Variants in MAGI2 observed in about 807,000 individuals in gnomAD.
MAGI2 encodes membrane associated guanylate kinase, WW and PDZ domain containing 2.
A neutral mutation model predicts 133.3 loss-of-function variants in MAGI2; 35 were observed. The observed-to-expected ratio is 0.26, with a 90% CI of 0.20 to 0.35. The LOEUF (loss-of-function observed/expected upper bound fraction) is 0.35, where lower values mean the gene tolerates loss of function less well. Among genes scored for constraint, MAGI2 ranks in the 10% least tolerant of loss-of-function variants. The pLI is 1.00. For missense variants in MAGI2, 1,636 were observed against 1,863.4 expected (o/e 0.88, Z 2.25); for synonymous variants, 729 against 710.6 (o/e 1.03, Z -0.41).
chr7:78,860,908 G>C (rs1382696025), intron 2 of MAGI2, among the ~76,000 whole-genome samples: 1 of 152,136 alleles, frequency 6.6e-6, no homozygotes, highest in Non-Finnish European at 1.5e-5. Context: ...GGAGCTTCCA[G>C]GCAGCTTTGT....
At chr7:78,175,826 G>A (rs1362277081) in intron 14 of MAGI2, among the ~76,000 whole-genome samples, 1 of 152,114 alleles carries the variant, frequency 6.6e-6, no homozygotes, top group Admixed American at 6.5e-5. Context: ...GAAAAAAAGG[G>A]TAAGACAAAG....
chr7:78,740,166 AAAAAAAC>A (rs1428006361), intron 2 of MAGI2, among the ~76,000 whole-genome samples: 1 of 151,776 alleles, frequency 6.6e-6, no homozygotes, highest in Non-Finnish European at 1.5e-5. Context: ...GTCTAAAAAA[AAAAAAAC>A]AAAAAACAAA....
intron 15 of MAGI2, among the ~76,000 whole-genome samples, chr7:78,160,715 C>G (rs1378484855): frequency 1.3e-5 from 2 of 152,328 alleles, no homozygotes; most frequent in Middle Eastern, 6.8e-3. Context: ...GGGCCACCCA[C>G]AGAATGTTTT....
chr7:79,408,346 A>T (rs969889311), intron 1 of MAGI2, among the ~76,000 whole-genome samples: 2 of 152,102 alleles, frequency 1.3e-5, no homozygotes, highest in African/African-American at 4.8e-5. Context: ...TCAATATAAC[A>T]TCACTAAAAT....
At chr7:78,801,739 A>G (rs1788072722) in intron 2 of MAGI2, among the ~76,000 whole-genome samples, 1 of 152,170 alleles carries the variant, frequency 6.6e-6, no homozygotes. Context: ...TTTTTAAGTT[A>G]CCATATATCA....
intron 2 of MAGI2, among the ~76,000 whole-genome samples, chr7:78,836,647 A>G (rs1791641558): frequency 6.6e-6 from 1 of 152,172 alleles, no homozygotes; most frequent in Non-Finnish European, 1.5e-5. Flanking sequence ...CAACTTACTT[A>G]TTTCAATTTA....
chr7:78,364,456 C>A (rs1793168990), intron 7 of MAGI2, among the ~76,000 whole-genome samples: 1 of 152,140 alleles, frequency 6.6e-6, no homozygotes, highest in East Asian at 1.9e-4. Flanking sequence ...ATGTTACATT[C>A]AAGATATTAT....
chr7:78,239,590 AG>A (rs1172775554), intron 10 of MAGI2, among the ~76,000 whole-genome samples: 1 of 152,258 alleles, frequency 6.6e-6, no homozygotes, highest in Non-Finnish European at 1.5e-5. Context: ...ATCAAAAAAT[AG>A]GCAAATGCCT....
At chr7:78,212,930 C>T (rs1787911076) in intron 10 of MAGI2, among the ~76,000 whole-genome samples, 1 of 152,142 alleles carries the variant, frequency 6.6e-6, no homozygotes, top group South Asian at 2.1e-4. Context: ...CCTGCCTTGG[C>T]CTCCTAAAGT....
chr7:78,683,749 T>C (rs183344788), intron 2 of MAGI2, among the ~76,000 whole-genome samples: 306 of 152,298 alleles, frequency 2.0e-3, no homozygotes, highest in African/African-American at 7.1e-3. Flanking sequence ...ATAAGATCAC[T>C]CATTTTTTCC....
intron 21 of MAGI2, among the ~76,000 whole-genome samples, chr7:78,028,134 C>A (rs2151052909): frequency 6.6e-6 from 1 of 152,268 alleles, no homozygotes; most frequent in East Asian, 1.9e-4. Flanking sequence ...CTTTTTGTAA[C>A]AAAATATAAA....
At chr7:79,129,770 G>A (rs1029983966) in intron 1 of MAGI2, among the ~76,000 whole-genome samples, 4 of 152,026 alleles carry the variant, frequency 2.6e-5, no homozygotes, top group South Asian at 2.1e-4. Flanking sequence ...AATTCAGAAG[G>A]CAATATTAAT....
intron 6 of MAGI2, among the ~76,000 whole-genome samples, chr7:78,434,371 G>A (rs1800081204): frequency 6.6e-6 from 1 of 152,194 alleles, no homozygotes. Context: ...CAGGAAGTCA[G>A]CGTATATGTC....
chr7:78,028,980 T>C (rs999480410), intron 21 of MAGI2, among the ~76,000 whole-genome samples: 1 of 152,100 alleles, frequency 6.6e-6, no homozygotes, highest in African/African-American at 2.4e-5. Context: ...GATAACTGAC[T>C]GAGTAACTCT....
At chr7:78,789,178 C>T (rs1827074630) in intron 2 of MAGI2, among the ~76,000 whole-genome samples, 1 of 152,048 alleles carries the variant, frequency 6.6e-6, no homozygotes, top group Admixed American at 6.5e-5. Context: ...CTCTTTGTTC[C>T]TGTTCTCTCC....
chr7:78,917,562 A>G (rs1341061287), intron 2 of MAGI2, among the ~76,000 whole-genome samples: 2 of 152,090 alleles, frequency 1.3e-5, no homozygotes, highest in Non-Finnish European at 1.5e-5. Flanking sequence ...AACACCAACA[A>G]CTAATTCTTT....
At chr7:79,384,914 G>C (rs533994037) in intron 1 of MAGI2, among the ~76,000 whole-genome samples, 135 of 151,738 alleles carry the variant, frequency 8.9e-4, no homozygotes, top group Non-Finnish European at 2.4e-4. Flanking sequence ...TATCTTAGCA[G>C]TATACTATTT....
At chr7:78,116,182 T>TA (rs1367842813) in intron 20 of MAGI2, among the ~76,000 whole-genome samples, 3 of 151,574 alleles carry the variant, frequency 2.0e-5, no homozygotes, top group Non-Finnish European at 4.4e-5. Flanking sequence ...CAGTCAGAAA[T>TA]AAAAAAACAA....
At chr7:78,993,323 CTT>C (rs1337387076) in intron 2 of MAGI2, among the ~76,000 whole-genome samples, 2 of 151,984 alleles carry the variant, frequency 1.3e-5, no homozygotes, top group Non-Finnish European at 2.9e-5. Context: ...TGTTGTTAGT[CTT>C]TGACAACATA....
Sources: allele counts gnomAD v4.1 joint callset (sites outside exome capture counted in the v4.1 genomes callset), GRCh38; gene constraint gnomAD v4.1.1; transcripts MANE v1.5; gene names NCBI Gene and HGNC (gene_info 2026-07-23, HGNC 2026-07-21).